Variants in ACTR6 observed in about 807,000 individuals in gnomAD.
The protein encoded by ACTR6 is actin-related protein 6.
Under a neutral mutation model 52.5 loss-of-function variants are expected in ACTR6, and 50 were observed. The observed-to-expected ratio is 0.95, with a 90% CI of 0.76 to 1.20. ACTR6 has a LOEUF of 1.20. ACTR6 is among the 50% of genes most tolerant of loss of function. The probability of loss-of-function intolerance (pLI) is 0.00; values close to 1 mark genes in which losing one functional copy is unlikely to be tolerated. For synonymous variants in ACTR6, 135 were observed against 147.2 expected (o/e 0.92, Z 0.60); for missense variants, 344 against 472.4 (o/e 0.73, Z 2.52).
At chr12:100,201,837 G>A (rs933180330) in intron 1 of ACTR6, among the ~76,000 whole-genome samples, 3 of 152,126 alleles carry the variant, frequency 2.0e-5, no homozygotes, top group African/African-American at 7.2e-5. Flanking sequence ...TGGCCAGGCC[G>A]GTCTCGAGCC....
rs1250484193 is a variant in ACTR6, at chr12:100,223,788, C to T, written c.1064C>T (p.Pro355Leu). ...TTCATTTATACCTTTATTTTCAGCCCTATTACTTATGCCTGGGAAGGTGGA... is the reference window on the plus strand; with the variant it reads ...TTCATTTATACCTTTATTTTCAGCCTTATTACTTATGCCTGGGAAGGTGGA... ...YDVSVVLPEN[P>L]ITYAWEGGKL... The change falls in exon 11 of 11, where the codon CCT (proline) becomes CTT (leucine). Residue 355 changes from proline to leucine, a missense_variant and splice_region_variant. Pro to Leu is a moderately conservative substitution (Grantham distance 98). Transcript: ENST00000188312. The T allele has an allele frequency of 6.2e-7, 1 of 1,604,904 alleles. No homozygotes were observed.
Position 100,205,664 on chromosome 12 carries a change from AAC to A in ACTR6, c.187-10_187-9del, listed in dbSNP as rs764738691. 22 of 1,489,730 alleles carry A rather than the reference AAC, an allele frequency of 1.5e-5. No homozygotes were observed. In the South Asian group the frequency reaches 1.6e-4, roughly 11 times the overall value. The allele number at this position is 1,489,730 out of a possible 1,614,324, so 92.3% of individuals were successfully genotyped here. A position where few individuals can be genotyped will look rare whatever the true frequency, so the allele number is the denominator to read the frequency against. On this transcript the variant is annotated splice_polypyrimidine_tract_variant and intron_variant, in intron 2 of 10. Transcript: ENST00000188312. ...TGTTCTTGATAATTAAATTTATAAA[AAC>A]ATTTTTTAGGGCTACTTGGTGAATT...
chr12:100,206,703 C>G (rs2096115028), intron 3 of ACTR6, among the ~76,000 whole-genome samples: 1 of 148,098 alleles, frequency 6.8e-6, no homozygotes, highest in South Asian at 2.1e-4. Context: ...GAGTCTTGCT[C>G]TGTTGCCCAG....
In ACTR6 at chr12:100,220,114, A is replaced by T. The variant is rs765220990; in HGVS notation, c.1029A>T (p.Thr343=). 5 of 1,613,712 alleles carry T rather than the reference A, an allele frequency of 3.1e-6. No homozygotes were observed. In the African/African-American group the frequency reaches 6.7e-5, roughly 22 times the overall value. ...VYSEVRCLTP[T]DYDVSVVLPE... ...CAGAAGTTCGATGTCTTACTCCAACAGATTATGATGTTTCTGTTGTGCTGC... is the reference window on the plus strand; with the variant it reads ...CAGAAGTTCGATGTCTTACTCCAACTGATTATGATGTTTCTGTTGTGCTGC... Residue 343 remains threonine, a synonymous_variant, in exon 10 of 11, where the codon ACA becomes ACT. Transcript: ENST00000188312.
rs937614533 is a variant in ACTR6 at position 100,219,989 on chromosome 12, T to G, written c.923-19T>G. 1 of 1,610,744 alleles carries G rather than the reference T, an allele frequency of 6.2e-7. No individual in the cohort carries two copies. Among genetic ancestry groups the G allele is most frequent in the Non-Finnish European group, 8.5e-7 (1 of 1,178,804 alleles). ...TCTAATGCCTTTTTTCCTTTCCTTCTCCTTTTCTTCTTTTAAAGAAATGCA... is the reference window on the plus strand; with the variant it reads ...TCTAATGCCTTTTTTCCTTTCCTTCGCCTTTTCTTCTTTTAAAGAAATGCA... On this transcript the variant is annotated intron_variant, in intron 9 of 10. Coordinates refer to ENST00000188312, the MANE Select transcript of ACTR6 (RefSeq NM_022496.5).
At chr12:100,217,565 C>T (rs2096124829) in intron 8 of ACTR6, among the ~76,000 whole-genome samples, 1 of 152,102 alleles carries the variant, frequency 6.6e-6, no homozygotes, top group African/African-American at 2.4e-5. Flanking sequence ...GCAGCCCCCT[C>T]AGCACTACAG....
At chr12:100,204,796 GTAT>G in intron 1 of ACTR6, 141 bp from the exon 2 acceptor site, 1 of 565,510 alleles carries the variant, frequency 1.8e-6, no homozygotes, top group Non-Finnish European at 3.1e-6. Context: ...CCAGCCTTTG[GTAT>G]TATTTTAAGA....
In ACTR6 at chr12:100,210,287, C is replaced by G; in HGVS notation, c.516-8C>G. 6.2e-7 allele frequency: 1 copy of G among 1,613,590 alleles called. No homozygotes were observed. The highest frequency in any genetic ancestry group is 8.5e-7 in the Non-Finnish European group (1 of 1,179,690). On this transcript the variant is annotated splice_region_variant and splice_polypyrimidine_tract_variant and intron_variant, in intron 5 of 10. Transcript: ENST00000188312. The stretch of plus-strand genomic sequence containing the variant: ...TGCGATAATTAAATTTGAGTTCTCC[C>G]CTTGCAGGATAAATGTGGGAGGAAA...
intron 1 of ACTR6, among the ~76,000 whole-genome samples, chr12:100,201,431 C>T (rs769772043): frequency 9.9e-5 from 15 of 152,192 alleles, no homozygotes; most frequent in South Asian, 2.1e-4. Context: ...AATACAATGG[C>T]ATTCATAACA....
chr12:100,223,278 T>G (rs189669511), intron 10 of ACTR6, among the ~76,000 whole-genome samples: 1 of 152,030 alleles, frequency 6.6e-6, no homozygotes, highest in South Asian at 2.1e-4. Context: ...GAGGCAGAGG[T>G]TGCAGTGAGC....
At chr12:100,221,021 A>C (rs1231111131) in intron 10 of ACTR6, among the ~76,000 whole-genome samples, 3 of 151,806 alleles carry the variant, frequency 2.0e-5, no homozygotes, top group East Asian at 3.8e-4. Context: ...GGCAAAAAAA[A>C]AAAAACAAAA....
chr12:100,212,487 G>C lies in ACTR6; in HGVS notation c.709G>C (p.Val237Leu), dbSNP rs773685867. The C allele has an allele frequency of 1.9e-5, 31 of 1,613,764 alleles. No individual in the cohort carries two copies. Among genetic ancestry groups the C allele is most frequent in the Non-Finnish European group, 2.1e-5 (25 of 1,179,864 alleles). Residue 237 changes from valine to leucine, a missense_variant, in exon 8 of 11, where the codon GTC becomes CTC. Coordinates refer to ENST00000188312, the MANE Select transcript of ACTR6 (RefSeq NM_022496.5). ...AGAAAATACAGTAATGATAGACTAT[G>C]TCTTGCCTGACTTCAGTACAATTAA... ...GEENTVMIDY[V>L]LPDFSTIKKG...
At chr12:100,209,674 C>G (rs915308501) in intron 4 of ACTR6, among the ~76,000 whole-genome samples, 14 of 152,210 alleles carry the variant, frequency 9.2e-5, no homozygotes, top group Non-Finnish European at 1.5e-5. Flanking sequence ...GAGCACATTA[C>G]TTTACTTCTC....
chr12:100,210,530 G>A (rs1228240727), intron 6 of ACTR6, among the ~76,000 whole-genome samples, 179 bp downstream of exon 6: 2 of 151,956 alleles, frequency 1.3e-5, no homozygotes, highest in Non-Finnish European at 2.9e-5. Context: ...ACCAGCCTGG[G>A]CAACCTGGTG....
chr12:100,212,609 T>G, intron 8 of ACTR6, 81 bp downstream of exon 8: 1 of 997,024 alleles, frequency 1.0e-6, no homozygotes, highest in East Asian at 2.4e-5. Context: ...AAGATGGGAG[T>G]TAAGAGACTG....
In ACTR6 at chr12:100,207,663, G is replaced by A; in HGVS notation, c.256G>A (p.Val86Ile). 1 of 1,493,902 alleles carries A rather than the reference G, an allele frequency of 6.7e-7. No homozygotes were observed. The highest frequency in any genetic ancestry group is 9.1e-7 in the Non-Finnish European group (1 of 1,101,642). The allele number at this position is 1,493,902 out of a possible 1,614,324, so 92.5% of individuals were successfully genotyped here. A position where few individuals can be genotyped will look rare whatever the true frequency, so the allele number is the denominator to read the frequency against. ...CATTTTGGAATGTTTTCTCCTATAG[G>A]TTGATTTTTTAGATACTAATATTAT... The part of the protein sequence containing the change: ...DYLFGKEMYQ[V>I]DFLDTNIIIT... The change falls in exon 4 of 11, where the codon GTT becomes ATT. Residue 86 changes from valine (V) to isoleucine (I), a missense_variant and splice_region_variant. Transcript: ENST00000188312.
chr12:100,219,764 C>G (rs1305086678), intron 9 of ACTR6, among the ~76,000 whole-genome samples: 1 of 152,044 alleles, frequency 6.6e-6, no homozygotes, highest in Admixed American at 6.6e-5. Context: ...TAGTTTACCC[C>G]CCTCACCTTA....
Position 100,204,988 on chromosome 12 carries a change from T to A in ACTR6, c.117T>A (p.Thr39=), listed in dbSNP as rs2096113288. 6.2e-7 allele frequency: 1 copy of A among 1,612,968 alleles called. No homozygotes were observed. Among genetic ancestry groups the A allele is most frequent in the Admixed American group, 1.7e-5 (1 of 59,912 alleles). ...GGTCAAAAACAGCACGTCTTAAAAC[T>A]TTTACTGCCAACCAGATAGATGAAA... ...QFRSKTARLK[T]FTANQIDEIK... is the part of the protein sequence containing the mutation. Residue 39 remains threonine (T), a synonymous_variant, in exon 2 of 11, where the codon ACT becomes ACA. Transcript: ENST00000188312.
chr12:100,202,669 T>G (rs940885494), intron 1 of ACTR6, among the ~76,000 whole-genome samples: 10 of 151,988 alleles, frequency 6.6e-5, no homozygotes, highest in Non-Finnish European at 1.5e-4. Flanking sequence ...GCATCATGGC[T>G]AACACGGCGA....
Sources: allele counts gnomAD v4.1 joint callset (sites outside exome capture counted in the v4.1 genomes callset), GRCh38; gene constraint gnomAD v4.1.1; transcripts MANE v1.5; gene names NCBI Gene and HGNC (gene_info 2026-07-23, HGNC 2026-07-21).